Variants in SPATA18 observed in about 807,000 individuals in gnomAD.
The protein encoded by SPATA18 is spermatogenesis associated 18.
In SPATA18, 54 loss-of-function variants were observed where a neutral mutation model predicts 68.1. The ratio of observed to expected loss-of-function variants is 0.79; its 90% CI spans 0.64 to 0.99. The LOEUF is 0.99. Among genes scored for constraint, SPATA18 ranks in the 50% least tolerant of loss-of-function variants. The pLI is 0.00. For missense variants in SPATA18, 724 were observed against 681.1 expected (o/e 1.06, Z -0.70); for synonymous variants, 242 against 244.8 (o/e 0.99, Z 0.11).
intron 7 of SPATA18, chr4:52,078,410 C>T (rs1393881149): frequency 1.1e-5 from 2 of 185,786 alleles, no homozygotes; most frequent in Non-Finnish European, 2.2e-5. Flanking sequence ...TCTCTTATTT[C>T]TTGACCAGTA....
intron 11 of SPATA18, among the ~76,000 whole-genome samples, chr4:52,091,335 C>T (rs1741928171): frequency 6.6e-6 from 1 of 152,086 alleles, no homozygotes; most frequent in South Asian, 2.1e-4. Flanking sequence ...CCCTTGCTGG[C>T]TATGAGTTGT....
At chr4:52,084,004 G>A in intron 10 of SPATA18, among the ~76,000 whole-genome samples, 1 of 150,030 alleles carries the variant, frequency 6.7e-6, no homozygotes, top group Non-Finnish European at 1.5e-5. Flanking sequence ...ATCCCAAAGT[G>A]CTGCGATTAC....
chr4:52,062,885 T>C (rs1357179760), intron 4 of SPATA18, among the ~76,000 whole-genome samples: 1 of 152,164 alleles, frequency 6.6e-6, no homozygotes, highest in Non-Finnish European at 1.5e-5. Context: ...GCAATATCTA[T>C]TAGGTATAAG....
chr4:52,076,995 C>T lies in SPATA18; in HGVS notation c.975C>T (p.Ile325=). The T allele has an allele frequency of 1.9e-6, 3 of 1,612,560 alleles. No individual in the cohort carries two copies. Among genetic ancestry groups the T allele is most frequent in the Non-Finnish European group, 2.5e-6 (3 of 1,179,272 alleles). The change falls in exon 7 of 13, where the codon ATC becomes ATT. Residue 325 remains isoleucine, a synonymous_variant. Coordinates refer to ENST00000295213, the MANE Select transcript of SPATA18 (RefSeq NM_145263.4). ...CGCAGTGCCTGCTGCGGCGCTGCAT[C>T]GACAAGGCTGAGACCGTTCAGCGGA... is the stretch of plus-strand genomic sequence containing the variant. ...LDAQCLLRRC[I]DKAETVQRII... is the part of the protein sequence containing the mutation.
chr4:52,081,625 T>G (rs1035742080), intron 9 of SPATA18, among the ~76,000 whole-genome samples: 36 of 152,326 alleles, frequency 2.4e-4, no homozygotes, highest in African/African-American at 8.7e-4. Flanking sequence ...TTTTTTAGCC[T>G]TCTAACAGTG....
chr4:52,094,082 G>T (rs1560616061), intron 11 of SPATA18, among the ~76,000 whole-genome samples: 2 of 152,146 alleles, frequency 1.3e-5, no homozygotes, highest in African/African-American at 2.4e-5. Context: ...TCACTGACTT[G>T]TGGTTCCGGT....
At chr4:52,051,885 C>T in intron 1 of SPATA18, 94 bp downstream of exon 1, 3 of 1,160,512 alleles carry the variant, frequency 2.6e-6, no homozygotes, top group South Asian at 2.5e-5. Flanking sequence ...TTGGTGGCCA[C>T]TTTGCAAAGC....
Position 52,079,815 on chromosome 4 carries a change from T to A in SPATA18, c.1251T>A (p.Ser417Arg). 3 of 1,614,082 alleles carry A rather than the reference T, an allele frequency of 1.9e-6. No individual in the cohort carries two copies. The highest frequency in any genetic ancestry group is 2.5e-6 in the Non-Finnish European group (3 of 1,179,948). ...CTGTCGTTGACTTTTGCCTTCTCAG[T>A]GACTTCATCCAGGAGATATGTTGCA... ...FPPVVDFCLL[S>R]DFIQEICCIA... Residue 417 changes from serine (S) to arginine (R), a missense_variant, in exon 9 of 13, where the codon AGT becomes AGA. Transcript: ENST00000295213.
chr4:52,069,945 G>A lies in SPATA18; in HGVS notation c.518+29G>A, dbSNP rs544605311. 3.3e-6 allele frequency: 5 copies of A among 1,506,740 alleles called. No homozygotes were observed. The South Asian group carries it at 4.0e-5, about 12-fold the overall frequency. 93.3% of individuals were successfully genotyped at this position (1,506,740 alleles called of 1,614,324 possible). A position where few individuals can be genotyped will look rare whatever the true frequency, so the allele number is the denominator to read the frequency against. The stretch of plus-strand genomic sequence containing the variant: ...AGAAAAAAATTACAGGATTATTGCA[G>A]CCTAAATCATTGAATTTAGCTTTTT... On this transcript the variant is annotated intron_variant, in intron 5 of 12. Transcript: ENST00000295213.
At chr4:52,075,811 G>C (rs1365812210) in intron 6 of SPATA18, among the ~76,000 whole-genome samples, 1 of 152,194 alleles carries the variant, frequency 6.6e-6, no homozygotes, top group Non-Finnish European at 1.5e-5. Context: ...CTTTATCATT[G>C]TTAGGATTAT....
intron 7 of SPATA18, among the ~76,000 whole-genome samples, chr4:52,078,108 TAAA>T (rs11447541): frequency 2.0e-5 from 3 of 148,886 alleles, no homozygotes; most frequent in Non-Finnish European, 3.0e-5. Flanking sequence ...TAAAGGGTTG[TAAA>T]AAAAAAAAAA....
At chr4:52,082,883 A>T (rs1439971730) in intron 10 of SPATA18, 1 of 985,238 alleles carries the variant, frequency 1.0e-6, no homozygotes, top group Non-Finnish European at 1.2e-6. Context: ...CGATTTGCCA[A>T]ATTTTTACTG....
chr4:52,057,453 G>C (rs1738451321), intron 1 of SPATA18, among the ~76,000 whole-genome samples: 1 of 152,212 alleles, frequency 6.6e-6, no homozygotes, highest in African/African-American at 2.4e-5. Flanking sequence ...AAGGGGAACT[G>C]TGTGGCATAG....
chr4:52,053,592 A>T (rs1359248708), intron 1 of SPATA18, among the ~76,000 whole-genome samples: 7 of 152,210 alleles, frequency 4.6e-5, no homozygotes, highest in Admixed American at 3.3e-4. Flanking sequence ...TGCTATTGAA[A>T]TGCTCAGAAT....
At chr4:52,064,127 C>T (rs1164452296) in intron 4 of SPATA18, among the ~76,000 whole-genome samples, 4 of 151,914 alleles carry the variant, frequency 2.6e-5, no homozygotes, top group Non-Finnish European at 5.9e-5. Context: ...TTTCCATATG[C>T]CCTTTCATAT....
chr4:52,051,831 T>G (rs767202319), intron 1 of SPATA18, 40 bp downstream of exon 1: 4 of 1,564,972 alleles, frequency 2.6e-6, no homozygotes, highest in Non-Finnish European at 2.6e-6. Context: ...CGCCCTCCCA[T>G]AGGTTCCAGC....
chr4:52,071,061 A>T (rs369653528), intron 5 of SPATA18, among the ~76,000 whole-genome samples: 1 of 152,152 alleles, frequency 6.6e-6, no homozygotes, highest in Non-Finnish European at 1.5e-5. Context: ...CCTATTTGTT[A>T]TACCTTCTCA....
At chr4:52,080,028 CACT>C in intron 9 of SPATA18, 109 bp downstream of exon 9, 1 of 1,212,444 alleles carries the variant, frequency 8.2e-7, no homozygotes. Context: ...AATTAACAGA[CACT>C]ACCTGATTTT....
intron 7 of SPATA18, chr4:52,078,353 C>T (rs1425164177): frequency 6.4e-6 from 1 of 156,492 alleles, no homozygotes; most frequent in African/African-American, 2.4e-5. Context: ...GGACACATGT[C>T]TGAGTCTGGA....
Sources: gnomAD v4.1 joint callset for allele counts (sites outside exome capture counted in the v4.1 genomes callset) on GRCh38, gnomAD v4.1.1 for gene constraint, MANE v1.5 for transcripts, NCBI Gene and HGNC (gene_info 2026-07-23, HGNC 2026-07-21) for gene names.